The following CCSER1 variants were observed in gnomAD, a reference collection of about 807,000 sequenced individuals.
CCSER1 encodes the protein coiled-coil serine rich protein 1.
A neutral mutation model predicts 82.0 loss-of-function variants in CCSER1; 41 were observed. That is an observed-to-expected ratio of 0.50 (90% CI 0.39 to 0.65). The LOEUF is 0.65. Ranked by LOEUF, CCSER1 falls within the 30% of genes least tolerant of loss-of-function variation. The pLI is 0.00. For missense variants in CCSER1, 1,119 were observed against 1,064.2 expected (o/e 1.05, Z -0.72); for synonymous variants, 414 against 383.9 (o/e 1.08, Z -0.92).
chr4:91,022,017 A>T (rs760946583), intron 9 of CCSER1, among the ~76,000 whole-genome samples: 24 of 152,068 alleles, frequency 1.6e-4, no homozygotes, highest in Middle Eastern at 3.4e-3. Context: ...TTTTTTTATT[A>T]TACTTTATGT....
At chr4:91,140,817 A>T (rs951852939) in intron 10 of CCSER1, among the ~76,000 whole-genome samples, 2 of 152,024 alleles carry the variant, frequency 1.3e-5, no homozygotes, top group Non-Finnish European at 2.9e-5. Flanking sequence ...TTAAATTTCA[A>T]CTTTATTTTG....
At chr4:90,747,963 A>T (rs58817164) in intron 7 of CCSER1, among the ~76,000 whole-genome samples, 1 of 150,866 alleles carries the variant, frequency 6.6e-6, no homozygotes. Context: ...TCATCCATGT[A>T]CCTACAAAGA....
At chr4:90,590,947 A>C (rs371633051) in intron 5 of CCSER1, among the ~76,000 whole-genome samples, 1 of 152,070 alleles carries the variant, frequency 6.6e-6, no homozygotes, top group Non-Finnish European at 1.5e-5. Context: ...ACTATTTTCC[A>C]TTTGTTTGTG....
In CCSER1 at chr4:90,803,966, T is replaced by A. The variant is rs1236430552; in HGVS notation, c.2011-11796T>A. Among the ~76,000 whole-genome samples the A allele has an allele frequency of 2.0e-5, 3 of 152,352 alleles. No individual in the cohort carries two copies. The East Asian group carries it at 5.8e-4, about 29-fold the overall frequency. ...TTTGCATTTCTCTGATGACCAGTGATGATGATTATTTTTTCTTATGTCTGT... is the reference window on the plus strand; with the variant it reads ...TTTGCATTTCTCTGATGACCAGTGAAGATGATTATTTTTTCTTATGTCTGT... On this transcript the variant is annotated intron_variant, in intron 7 of 10. Coordinates refer to ENST00000509176, the MANE Select transcript of CCSER1 (RefSeq NM_001145065.2).
At chr4:91,214,377 T>C (rs940239992) in intron 10 of CCSER1, among the ~76,000 whole-genome samples, 7 of 152,200 alleles carry the variant, frequency 4.6e-5, no homozygotes, top group Admixed American at 4.6e-4. Flanking sequence ...CTATATGTGA[T>C]CACTTAATTT....
At chr4:91,042,841 T>C (rs1742094713) in intron 9 of CCSER1, among the ~76,000 whole-genome samples, 1 of 152,206 alleles carries the variant, frequency 6.6e-6, no homozygotes, top group African/African-American at 2.4e-5. Flanking sequence ...GAAAAATCTA[T>C]GGCGGCTAGC....
At chr4:90,208,413 A>G (rs770306094) in intron 1 of CCSER1, among the ~76,000 whole-genome samples, 6 of 152,024 alleles carry the variant, frequency 3.9e-5, no homozygotes, top group Non-Finnish European at 8.8e-5. Flanking sequence ...AAGAATTTCA[A>G]GCCATTGGAT....
At chr4:91,443,932 AC>A (rs886371162) in intron 10 of CCSER1, among the ~76,000 whole-genome samples, 1 of 152,036 alleles carries the variant, frequency 6.6e-6, no homozygotes, top group Non-Finnish European at 1.5e-5. Flanking sequence ...ACTTAATAAT[AC>A]CCTTATTGAA....
At chr4:90,655,865 T>G (rs920350481) in intron 6 of CCSER1, among the ~76,000 whole-genome samples, 2 of 151,964 alleles carry the variant, frequency 1.3e-5, no homozygotes, top group Non-Finnish European at 2.9e-5. Context: ...TTTAAAATAG[T>G]ATGCCCTAAA....
chr4:91,105,399 C>T (rs1360184169), intron 10 of CCSER1, among the ~76,000 whole-genome samples: 10 of 98,926 alleles, frequency 1.0e-4, no homozygotes, highest in Non-Finnish European at 1.8e-4. Flanking sequence ...CAACCACTAA[C>T]AGTAAACAAA....
chr4:91,224,574 A>T (rs746584311), intron 10 of CCSER1, among the ~76,000 whole-genome samples: 4 of 152,074 alleles, frequency 2.6e-5, no homozygotes, highest in Non-Finnish European at 5.9e-5. Context: ...ATTAAATTTA[A>T]TAAGGCAGGT....
chr4:91,129,552 G>T (rs1727820687), intron 10 of CCSER1, among the ~76,000 whole-genome samples: 1 of 151,982 alleles, frequency 6.6e-6, no homozygotes, highest in African/African-American at 2.4e-5. Flanking sequence ...GCAATAATAT[G>T]TAAGATATAA....
chr4:90,783,310 T>A (rs1754057735), intron 7 of CCSER1, among the ~76,000 whole-genome samples: 1 of 152,182 alleles, frequency 6.6e-6, no homozygotes, highest in Non-Finnish European at 1.5e-5. Flanking sequence ...TAAAACTAAC[T>A]GCTACTCCCA....
At chr4:90,943,708 A>G (rs934328181) in intron 9 of CCSER1, among the ~76,000 whole-genome samples, 4 of 138,640 alleles carry the variant, frequency 2.9e-5, no homozygotes, top group African/African-American at 7.9e-5. Flanking sequence ...GACTACAAAC[A>G]TGAGCCACTG....
At chr4:91,338,823 C>G (rs1416193288) in intron 10 of CCSER1, among the ~76,000 whole-genome samples, 3 of 151,976 alleles carry the variant, frequency 2.0e-5, no homozygotes, top group Non-Finnish European at 2.9e-5. Context: ...CATAAAATTT[C>G]CTGGTGATGC....
intron 9 of CCSER1, among the ~76,000 whole-genome samples, chr4:91,063,663 G>A (rs1224535241): frequency 1.3e-5 from 2 of 152,060 alleles, no homozygotes; most frequent in East Asian, 1.9e-4. Context: ...TGGAGATATA[G>A]GAATTTAATA....
intron 7 of CCSER1, among the ~76,000 whole-genome samples, chr4:90,730,802 C>G (rs1003457139): frequency 6.6e-6 from 1 of 152,066 alleles, no homozygotes; most frequent in Non-Finnish European, 1.5e-5. Flanking sequence ...CAAGAGAATA[C>G]TCGGTCTTAT....
intron 10 of CCSER1, among the ~76,000 whole-genome samples, chr4:91,315,856 T>C (rs893665098): frequency 6.6e-6 from 1 of 151,954 alleles, no homozygotes; most frequent in Non-Finnish European, 1.5e-5. Flanking sequence ...GTTATCTGAG[T>C]TCTCTGTGAA....
intron 3 of CCSER1, among the ~76,000 whole-genome samples, chr4:90,351,953 T>C (rs1041341098): frequency 6.6e-6 from 1 of 152,186 alleles, no homozygotes; most frequent in Non-Finnish European, 1.5e-5. Flanking sequence ...TATAATTGTT[T>C]CCAAATATCT....
Sources: gnomAD v4.1 joint callset for allele counts (sites outside exome capture counted in the v4.1 genomes callset) on GRCh38, gnomAD v4.1.1 for gene constraint, MANE v1.5 for transcripts, NCBI Gene and HGNC (gene_info 2026-07-23, HGNC 2026-07-21) for gene names.